Variants in STK32A observed in about 807,000 individuals in gnomAD.
The protein encoded by STK32A is serine/threonine kinase 32A, also known as serine/threonine-protein kinase 32A.
STK32A carries 41 observed loss-of-function variants against 53.2 expected under a neutral mutation model. The ratio of observed to expected loss-of-function variants is 0.77; its 90% confidence interval spans 0.60 to 1.00. STK32A has a LOEUF of 1.00. Ranked by LOEUF, STK32A falls within the 50% of genes least tolerant of loss-of-function variation. The pLI, the probability that STK32A is intolerant of heterozygous loss-of-function variation, is 0.00. For missense variants in STK32A, 458 were observed against 485.8 expected, an observed-to-expected ratio of 0.94 and a Z score of 0.54; for synonymous variants, 166 against 162.8, an observed-to-expected ratio of 1.02 and a Z score of -0.15.
chr5:147,266,010 G>A (rs899026021), intron 2 of STK32A, among the ~76,000 whole-genome samples: 2 of 152,190 alleles, frequency 1.3e-5, no homozygotes, highest in Non-Finnish European at 2.9e-5. Flanking sequence ...GAACTTAGAA[G>A]AGGGACTGAT....
chr5:147,238,484 G>A (rs1753418603), intron 1 of STK32A, among the ~76,000 whole-genome samples: 1 of 152,162 alleles, frequency 6.6e-6, no homozygotes, highest in African/African-American at 2.4e-5. Context: ...ACAGGATGCT[G>A]CCTCTCTTTA....
chr5:147,264,821 C>T (rs1214138018), intron 2 of STK32A, among the ~76,000 whole-genome samples: 4 of 151,936 alleles, frequency 2.6e-5, no homozygotes, highest in Non-Finnish European at 4.4e-5. Context: ...AGTGGTTGCT[C>T]CTTGGCTGGG....
chr5:147,259,810 G>GTT (rs1470042229), intron 2 of STK32A, among the ~76,000 whole-genome samples: 4 of 132,822 alleles, frequency 3.0e-5, no homozygotes, highest in African/African-American at 8.7e-5. Flanking sequence ...TCTCTGTCCT[G>GTT]TTTCTCTCTC....
intron 2 of STK32A, among the ~76,000 whole-genome samples, chr5:147,273,549 T>C (rs1755135227): frequency 6.6e-6 from 1 of 152,220 alleles, no homozygotes; most frequent in Non-Finnish European, 1.5e-5. Context: ...GTTATCCACA[T>C]AGTTGGTCTT....
chr5:147,299,968 T>G (rs1218958524), intron 4 of STK32A, among the ~76,000 whole-genome samples: 1 of 152,056 alleles, frequency 6.6e-6, no homozygotes, highest in Non-Finnish European at 1.5e-5. Flanking sequence ...TTTGCATAGT[T>G]CATATAGCTC....
At position 147,384,495 on chromosome 5, in the gene STK32A, T is replaced by A; in HGVS notation, c.*512T>A. On this transcript the variant is annotated 3_prime_UTR_variant, in exon 13 of 13. Coordinates refer to ENST00000397936, the MANE Select transcript of STK32A (RefSeq NM_001112724.2). Reference sequence around the variant, plus strand: ...GATAAGGAATTCTATCAGGGAGGCATGAATGGAATCAGATTAAAAGTAACA... The same window carrying A: ...GATAAGGAATTCTATCAGGGAGGCAAGAATGGAATCAGATTAAAAGTAACA... 7.3e-7 allele frequency: 1 copy of A among 1,377,576 alleles called. No individual in the cohort carries two copies. Among genetic ancestry groups the A allele is most frequent in the Non-Finnish European group, 9.9e-7 (1 of 1,006,544 alleles). 85.3% of individuals were successfully genotyped at this position (1,377,576 alleles called of 1,614,324 possible). A position where few individuals can be genotyped will look rare whatever the true frequency, so the allele number is the denominator to read the frequency against.
At chr5:147,284,713 A>C (rs1447238399) in intron 4 of STK32A, among the ~76,000 whole-genome samples, 1 of 151,728 alleles carries the variant, frequency 6.6e-6, no homozygotes, top group Non-Finnish European at 1.5e-5. Context: ...ACAACAAAAA[A>C]AAAACAAATA....
At chr5:147,361,958 C>T (rs916945075) in intron 8 of STK32A, among the ~76,000 whole-genome samples, 2 of 152,044 alleles carry the variant, frequency 1.3e-5, no homozygotes, top group Non-Finnish European at 2.9e-5. Flanking sequence ...TAGTACAGGA[C>T]TCTAATTCAG....
At chr5:147,397,367 T>C in the STK32A span, among the ~76,000 whole-genome samples, 1 of 152,146 alleles carries the variant, frequency 6.6e-6, no homozygotes, top group Non-Finnish European at 1.5e-5. Flanking sequence ...GAGTCATTTA[T>C]TTTTTAAAAA....
intron 4 of STK32A, among the ~76,000 whole-genome samples, chr5:147,302,210 T>C (rs1011939778): frequency 1.3e-5 from 2 of 152,196 alleles, no homozygotes; most frequent in African/African-American, 4.8e-5. Context: ...CATATTTCAC[T>C]TTTTACTATC....
chr5:147,333,438 A>G (rs1289602397), intron 5 of STK32A, among the ~76,000 whole-genome samples: 1 of 152,206 alleles, frequency 6.6e-6, no homozygotes, highest in African/African-American at 2.4e-5. Flanking sequence ...ACATGCTGAC[A>G]GAGAGGCTAT....
intron 4 of STK32A, among the ~76,000 whole-genome samples, chr5:147,297,305 C>T (rs921024207): frequency 6.6e-6 from 1 of 152,140 alleles, no homozygotes; most frequent in Non-Finnish European, 1.5e-5. Flanking sequence ...CCTATATGCC[C>T]CACAGATAGA....
At chr5:147,260,920 T>G (rs1754534793) in intron 2 of STK32A, among the ~76,000 whole-genome samples, 3 of 152,226 alleles carry the variant, frequency 2.0e-5, no homozygotes, top group Non-Finnish European at 4.4e-5. Context: ...CCTCCAGAAT[T>G]TGACCACCAA....
chr5:147,284,700 A>C (rs1752242257), intron 4 of STK32A, among the ~76,000 whole-genome samples: 1 of 60,210 alleles, frequency 1.7e-5, no homozygotes, highest in Admixed American at 2.4e-4. Flanking sequence ...ACAAAACAAA[A>C]AAACAACAAA....
rs771995992 is a variant in STK32A at position 147,361,620 on chromosome 5, G to A, written c.660+6G>A. ...ATGAACTGCTGAGAGGCCGGGTACT[G>A]TAGTAGCATTTCCTCTTTGGTTATT... On this transcript the variant is annotated splice_donor_region_variant and intron_variant, in intron 8 of 12. Coordinates refer to ENST00000397936, the MANE Select transcript of STK32A (RefSeq NM_001112724.2). 5 of 1,585,482 alleles carry A rather than the reference G, an allele frequency of 3.2e-6. No individual in the cohort carries two copies. The East Asian group carries it at 6.7e-5, about 21-fold the overall frequency.
At chr5:147,277,870 A>G (rs550065980) in intron 2 of STK32A, among the ~76,000 whole-genome samples, 42 of 152,208 alleles carry the variant, frequency 2.8e-4, no homozygotes, top group Admixed American at 9.2e-4. Context: ...CAGGGCCCTC[A>G]CTTGACTACA....
chr5:147,350,550 T>A (rs1435843397), intron 6 of STK32A, among the ~76,000 whole-genome samples: 1 of 151,906 alleles, frequency 6.6e-6, no homozygotes, highest in African/African-American at 2.4e-5. Flanking sequence ...TTATTTTTAG[T>A]AGAGACAGGG....
chr5:147,295,609 C>T (rs1041565761), intron 4 of STK32A, among the ~76,000 whole-genome samples: 2 of 152,182 alleles, frequency 1.3e-5, no homozygotes, highest in African/African-American at 4.8e-5. Context: ...TGTTTCCTTT[C>T]TCTTTTGGCC....
intron 2 of STK32A, among the ~76,000 whole-genome samples, chr5:147,274,221 A>G (rs1277741529): frequency 6.6e-6 from 1 of 152,174 alleles, no homozygotes; most frequent in Non-Finnish European, 1.5e-5. Context: ...AGCAGGACTG[A>G]GGCACTTAAG....
Sources: gnomAD v4.1 joint callset for allele counts (sites outside exome capture counted in the v4.1 genomes callset) on GRCh38, gnomAD v4.1.1 for gene constraint, MANE v1.5 for transcripts, NCBI Gene and HGNC (gene_info 2026-07-23, HGNC 2026-07-21) for gene names.